EXOC2: variants seen among roughly 807,000 people sequenced by gnomAD.
EXOC2 encodes the protein SEC5-like 1.
In EXOC2, 70 loss-of-function variants were observed where a neutral mutation model predicts 131.8. The ratio of observed to expected loss-of-function variants is 0.53; its 90% confidence interval spans 0.44 to 0.65. EXOC2 has a LOEUF of 0.65. Ranked by LOEUF, EXOC2 falls within the 30% of genes least tolerant of loss-of-function variation. The probability of loss-of-function intolerance (pLI) is 0.00; values close to 1 mark genes in which losing one functional copy is unlikely to be tolerated. For synonymous variants in EXOC2, 411 were observed against 398.4 expected (o/e 1.03, Z -0.38); for missense variants, 923 against 1,108.6 (o/e 0.83, Z 2.38).
chr6:508,899 A>C (rs1764704554), intron 23 of EXOC2, among the ~76,000 whole-genome samples: 1 of 152,226 alleles, frequency 6.6e-6, no homozygotes, highest in African/African-American at 2.4e-5. Flanking sequence ...ACTAGCAATG[A>C]AGGAGAGATC....
chr6:603,021 A>G (rs1366378112), intron 7 of EXOC2, among the ~76,000 whole-genome samples: 1 of 152,200 alleles, frequency 6.6e-6, no homozygotes, highest in Non-Finnish European at 1.5e-5. Flanking sequence ...ATGTTTATTT[A>G]AAGTAAATAT....
intron 11 of EXOC2, among the ~76,000 whole-genome samples, chr6:590,277 C>T (rs928182573): frequency 6.6e-6 from 1 of 152,156 alleles, no homozygotes; most frequent in Non-Finnish European, 1.5e-5. Flanking sequence ...GTAACATTTG[C>T]TGTCATTTTC....
intron 1 of EXOC2, among the ~76,000 whole-genome samples, chr6:677,934 T>TCTCTCA (rs111239666): frequency 1.4e-3 from 201 of 147,308 alleles, no homozygotes; most frequent in East Asian, 5.9e-3. Context: ...TTATAATCTC[T>TCTCTCA]CACACACACA....
intron 1 of EXOC2, among the ~76,000 whole-genome samples, chr6:689,479 T>C (rs1488835493): frequency 6.6e-6 from 1 of 152,198 alleles, no homozygotes; most frequent in African/African-American, 2.4e-5. Flanking sequence ...CCCTGGGCCT[T>C]TGCTCCTGGT....
At chr6:656,572 C>T (rs1054812573) in intron 1 of EXOC2, 1 of 1,591,182 alleles carries the variant, frequency 6.3e-7, no homozygotes, top group Non-Finnish European at 8.5e-7. Flanking sequence ...ACGCTGCGAG[C>T]GCGGCCCAGG....
chr6:552,174 C>T (rs1313457940), intron 21 of EXOC2, among the ~76,000 whole-genome samples: 1 of 152,252 alleles, frequency 6.6e-6, no homozygotes, highest in Non-Finnish European at 1.5e-5. Flanking sequence ...AAATCAGCCC[C>T]GCCCTGAGGC....
At chr6:634,065 C>T (rs1428716681) in intron 2 of EXOC2, among the ~76,000 whole-genome samples, 3 of 85,638 alleles carry the variant, frequency 3.5e-5, no homozygotes, top group Non-Finnish European at 8.1e-5. Flanking sequence ...AGACACTTGA[C>T]GTTTTCTTTT....
At chr6:556,101 G>A (rs1309551889) in intron 18 of EXOC2, 88 bp from the exon 19 acceptor site, 15 of 1,216,010 alleles carry the variant, frequency 1.2e-5, no homozygotes, top group Admixed American at 1.8e-5. Context: ...GTTAAAACGT[G>A]GAACGCTGCT....
intron 1 of EXOC2, among the ~76,000 whole-genome samples, chr6:678,385 G>A (rs1166450025): frequency 1.3e-5 from 2 of 152,154 alleles, no homozygotes; most frequent in Non-Finnish European, 2.9e-5. Flanking sequence ...AAAGATCTCT[G>A]CAAACTTTAA....
intron 12 of EXOC2, among the ~76,000 whole-genome samples, chr6:574,656 C>G (rs1431252975): frequency 6.6e-6 from 1 of 152,184 alleles, no homozygotes; most frequent in Non-Finnish European, 1.5e-5. Flanking sequence ...ACACTGTAAA[C>G]TTTTATTTTT....
chr6:556,407 G>A (rs897134429), intron 18 of EXOC2, 77 bp downstream of exon 18: 87 of 1,424,518 alleles, frequency 6.1e-5, no homozygotes, highest in East Asian at 2.1e-4. Context: ...CTTGCAGTAC[G>A]ATGAGTCAAA....
At chr6:488,136 C>CG (rs1561766957) in intron 27 of EXOC2, among the ~76,000 whole-genome samples, 2 of 152,108 alleles carry the variant, frequency 1.3e-5, no homozygotes, top group African/African-American at 4.8e-5. Context: ...GCGATGCCCC[C>CG]GGGGACTGAT....
chr6:548,399 G>C (rs903810907), intron 22 of EXOC2, among the ~76,000 whole-genome samples: 2 of 152,184 alleles, frequency 1.3e-5, no homozygotes, highest in Non-Finnish European at 2.9e-5. Flanking sequence ...ACATTAAAAA[G>C]TGGTACTAGC....
chr6:624,629 C>A (rs1761459078), intron 4 of EXOC2, among the ~76,000 whole-genome samples: 2 of 152,156 alleles, frequency 1.3e-5, no homozygotes, highest in Admixed American at 6.5e-5. Flanking sequence ...CCTGGTACTT[C>A]TACTGTCAAA....
At chr6:682,185 A>T (rs1040642488) in intron 1 of EXOC2, among the ~76,000 whole-genome samples, 1 of 150,986 alleles carries the variant, frequency 6.6e-6, no homozygotes, top group Non-Finnish European at 1.5e-5. Flanking sequence ...TTCCTATTAA[A>T]TATTTCCCAG....
At chr6:497,629 G>A (rs911378476) in intron 24 of EXOC2, 140 bp from the exon 25 acceptor site, 3 of 1,114,534 alleles carry the variant, frequency 2.7e-6, no homozygotes, top group Non-Finnish European at 3.7e-6. Flanking sequence ...AATTATAAAT[G>A]AAAGGAAGAT....
Position 556,577 on chromosome 6 carries a change from C to G in EXOC2, c.1852-13G>C, listed in dbSNP as rs753912939. 2.5e-6 allele frequency: 4 copies of G among 1,613,938 alleles called. No individual in the cohort carries two copies. The South Asian group carries it at 3.3e-5, about 13-fold the overall frequency. ...CAAACTGACATGGCTGAAGGGAAAACAGCATATTGTAAAACTCAAAAATGA... is the reference window on the plus strand; with the variant it reads ...CAAACTGACATGGCTGAAGGGAAAAGAGCATATTGTAAAACTCAAAAATGA... On this transcript the variant is annotated splice_polypyrimidine_tract_variant and intron_variant, in intron 17 of 27. Transcript: ENST00000230449.
intron 11 of EXOC2, among the ~76,000 whole-genome samples, chr6:578,797 G>A (rs1472172477): frequency 6.6e-6 from 1 of 152,166 alleles, no homozygotes. Context: ...ATACAGTGAA[G>A]AAAGTATTTT....
At chr6:524,327 C>T (rs1048181317) in intron 23 of EXOC2, 5 of 151,804 alleles carry the variant, frequency 3.3e-5, no homozygotes, top group South Asian at 2.1e-4. Flanking sequence ...GAAACCTGCA[C>T]GCTCTGCACA....
Sources: gnomAD v4.1 joint callset for allele counts (sites outside exome capture counted in the v4.1 genomes callset) on GRCh38, gnomAD v4.1.1 for gene constraint, MANE v1.5 for transcripts, NCBI Gene and HGNC (gene_info 2026-07-23, HGNC 2026-07-21) for gene names.